Variants in NCOR2 observed in about 807,000 individuals in gnomAD.
The protein encoded by NCOR2 is CTG repeat protein 26.
Under a neutral mutation model 262.9 loss-of-function variants are expected in NCOR2, and 81 were observed. The observed-to-expected ratio is 0.31, with a 90% CI of 0.26 to 0.37. The LOEUF is 0.37. Among genes scored for constraint, NCOR2 ranks in the 10% least tolerant of loss-of-function variants. NCOR2 has a pLI of 1.00. For synonymous variants in NCOR2, 1,659 were observed against 1,559.3 expected (o/e 1.06, Z -1.51); for missense variants, 3,385 against 3,621.4 (o/e 0.93, Z 1.68).
intron 4 of NCOR2, 135 bp downstream of exon 6, chr12:124,472,816 TA>T: frequency 1.7e-6 from 2 of 1,149,904 alleles, no homozygotes; most frequent in South Asian, 1.4e-5. Flanking sequence ...TCCTGTCCAA[TA>T]AACGTAAAGG....
intron 1 of NCOR2, among the ~76,000 whole-genome samples, chr12:124,532,044 CA>C (rs1368586089): frequency 6.6e-6 from 1 of 152,160 alleles, no homozygotes; most frequent in African/African-American, 2.4e-5. Flanking sequence ...TCTGCTGCTG[CA>C]CCCTGGGGAT....
chr12:124,501,100 A>G (rs2048707202), intron 1 of NCOR2, among the ~76,000 whole-genome samples: 1 of 140,476 alleles, frequency 7.1e-6, no homozygotes, highest in Admixed American at 7.2e-5. Flanking sequence ...ACACACACAC[A>G]CACACACTCG....
chr12:124,448,424 C>G (rs1309756068), intron 7 of NCOR2, among the ~76,000 whole-genome samples: 1 of 152,218 alleles, frequency 6.6e-6, no homozygotes, highest in Non-Finnish European at 1.5e-5. Flanking sequence ...CGATGAGGAG[C>G]CCAGGCTGCA....
intron 13 of NCOR2, among the ~76,000 whole-genome samples, chr12:124,411,316 T>A (rs2042573438): frequency 6.7e-6 from 1 of 149,794 alleles, no homozygotes; most frequent in South Asian, 2.1e-4. Context: ...ATGCAGGAGA[T>A]TCAGAGCCAG....
intron 17 of NCOR2, among the ~76,000 whole-genome samples, chr12:124,382,001 C>T (rs781153389): frequency 1.8e-4 from 28 of 152,214 alleles, no homozygotes; most frequent in Non-Finnish European, 3.5e-4. Flanking sequence ...TAGTGCAAGG[C>T]GGGAGGGGAC....
chr12:124,393,327 G>T (rs1207341262), intron 16 of NCOR2, among the ~76,000 whole-genome samples: 1 of 152,246 alleles, frequency 6.6e-6, no homozygotes, highest in Middle Eastern at 3.4e-3. Context: ...GAACATTCTC[G>T]GTCCTCAGGC....
At chr12:124,441,591 T>C (rs760202971) in intron 7 of NCOR2, among the ~76,000 whole-genome samples, 1 of 152,124 alleles carries the variant, frequency 6.6e-6, no homozygotes, top group Non-Finnish European at 1.5e-5. Context: ...TTGGCAAAAT[T>C]TTAAGGAGCA....
At chr12:124,416,584 G>A (rs1399786332) in intron 13 of NCOR2, among the ~76,000 whole-genome samples, 1 of 144,096 alleles carries the variant, frequency 6.9e-6, no homozygotes, top group African/African-American at 2.6e-5. Flanking sequence ...GCGGCACAGG[G>A]AGTCCCCGCG....
At chr12:124,527,457 G>A (rs1182712983) in intron 1 of NCOR2, among the ~76,000 whole-genome samples, 2 of 151,590 alleles carry the variant, frequency 1.3e-5, no homozygotes, top group African/African-American at 4.9e-5. Flanking sequence ...TTGCTCTGTT[G>A]CCCAGGCTGG....
In NCOR2 at chr12:124,509,021, C is replaced by T. The variant is rs570001126; in HGVS notation, c.-117-13653G>A. Among the ~76,000 whole-genome samples, 186 of 152,320 alleles carry T rather than the reference C, an allele frequency of 1.2e-3. 1 individual carries two copies. Among genetic ancestry groups the T allele is most frequent in the Admixed American group, 2.2e-3 (33 of 15,312 alleles). On this transcript the variant is annotated intron_variant, in intron 1 of 46. Transcript: ENST00000404621. ...CCACCTGCTCCACCCCAATGGGACA[C>T]ACACACACTGGCCATGAAAGGCAGG...
At chr12:124,565,382 C>T (rs2052203442) in intron 1 of NCOR2, among the ~76,000 whole-genome samples, 1 of 152,182 alleles carries the variant, frequency 6.6e-6, no homozygotes, top group Non-Finnish European at 1.5e-5. Context: ...CTGGCAGCCG[C>T]GCTGCCGACT....
chr12:124,367,768 G>A (rs1794959), intron 20 of NCOR2, among the ~76,000 whole-genome samples: 8,122 of 152,068 alleles, frequency 0.053, 523 homozygotes, highest in East Asian at 0.35. Context: ...TAGTAGCTGG[G>A]ATTGCAGGCA....
At chr12:124,334,812 C>T (rs956767344) in intron 40 of NCOR2, 195 bp from the exon 43 acceptor site, 1 of 597,632 alleles carries the variant, frequency 1.7e-6, no homozygotes, top group Non-Finnish European at 3.0e-6. Flanking sequence ...GTCAGCGGTC[C>T]CAAGCTGGTA....
At position 124,389,087 on chromosome 12, in the gene NCOR2, G is replaced by C. The variant is rs12819167; in HGVS notation, c.1877-3200C>G. 0.21 allele frequency among the ~76,000 whole-genome samples: 32,328 copies of C among 152,208 alleles called. 3,950 individuals carry two copies. Among genetic ancestry groups the C allele is most frequent in the Non-Finnish European group, 0.25 (16,942 of 67,946 alleles). On this transcript the variant is annotated intron_variant, in intron 16 of 46. Coordinates refer to ENST00000405201, the Ensembl canonical transcript of NCOR2. The surrounding 1 kb of genome is among the most constrained non-coding windows in gnomAD (Gnocchi z 4.4). ...CGAGGGTGGTGGGTGGCGGGAAGTT[G>C]TCAGTGGTGCGTGTGGGATGCCCCT...
At chr12:124,560,884 T>A (rs1232960860) in intron 1 of NCOR2, among the ~76,000 whole-genome samples, 1 of 152,254 alleles carries the variant, frequency 6.6e-6, no homozygotes, top group Non-Finnish European at 1.5e-5. Context: ...GCATTACTTT[T>A]TGTTTTTCTA....
At chr12:124,422,603 C>T (rs1303407891) in intron 11 of NCOR2, 48 bp from the exon 14 acceptor site, 1 of 1,609,144 alleles carries the variant, frequency 6.2e-7, no homozygotes, top group Non-Finnish European at 8.5e-7. Flanking sequence ...GGGGGGCTTT[C>T]CTGCGGGGCA....
At chr12:124,375,349 CA>C (rs2039906813) in intron 18 of NCOR2, among the ~76,000 whole-genome samples, 2 of 152,164 alleles carry the variant, frequency 1.3e-5, no homozygotes, top group Non-Finnish European at 2.9e-5. Context: ...CTCGGTCTCA[CA>C]GTTATCAAGG....
At chr12:124,567,054 G>T (rs1403492067) in intron 1 of NCOR2, among the ~76,000 whole-genome samples, 1 of 133,730 alleles carries the variant, frequency 7.5e-6, no homozygotes, top group Non-Finnish European at 1.6e-5. Flanking sequence ...CCACCCCAAC[G>T]CCACTTCCCT....
chr12:124,364,855 C>A (rs1435430792), intron 20 of NCOR2, among the ~76,000 whole-genome samples: 1 of 152,202 alleles, frequency 6.6e-6, no homozygotes, highest in Non-Finnish European at 1.5e-5. Context: ...GCAGCCTAGC[C>A]TGCATTTGGA....
Sources: allele counts gnomAD v4.1 joint callset (sites outside exome capture counted in the v4.1 genomes callset), GRCh38; gene constraint gnomAD v4.1.1; non-coding constraint Gnocchi (gnomAD v3.1); transcripts MANE v1.5; gene names NCBI Gene and HGNC (gene_info 2026-07-23, HGNC 2026-07-21).